Variants in MYLK4 observed in about 807,000 individuals in gnomAD.
The protein encoded by MYLK4 is caMLCK like.
In MYLK4, 46 loss-of-function variants were observed where a neutral mutation model predicts 48.1. That is an observed-to-expected ratio of 0.96 (90% CI 0.75 to 1.22). MYLK4 has a LOEUF of 1.22. Ranked by LOEUF, MYLK4 falls within the 50% of genes most tolerant of loss-of-function variation. The pLI, the probability that MYLK4 is intolerant of heterozygous loss-of-function variation, is 0.00. For synonymous variants in MYLK4, 170 were observed against 180.8 expected, an observed-to-expected ratio of 0.94 and a Z score of 0.48; for missense variants, 451 against 486.1, an observed-to-expected ratio of 0.93 and a Z score of 0.68.
intron 7 of MYLK4, among the ~76,000 whole-genome samples, chr6:2,680,719 T>C (rs559245548): frequency 6.6e-6 from 1 of 152,318 alleles, no homozygotes; most frequent in Non-Finnish European, 1.5e-5. Flanking sequence ...ACCTGCTCCA[T>C]TCAAACAGCC....
intron 2 of MYLK4, among the ~76,000 whole-genome samples, chr6:2,724,780 G>A (rs1763197989): frequency 6.6e-6 from 1 of 152,190 alleles, no homozygotes; most frequent in Non-Finnish European, 1.5e-5. Context: ...ATGTCTTGAT[G>A]ATTAAGATCA....
chr6:2,698,913 G>A (rs1456048302), intron 2 of MYLK4, among the ~76,000 whole-genome samples: 7 of 152,194 alleles, frequency 4.6e-5, no homozygotes, highest in Admixed American at 3.9e-4. Context: ...GCTCAAGGCA[G>A]GACAGAAACT....
At chr6:2,734,819 G>A (rs1230845482) in intron 2 of MYLK4, among the ~76,000 whole-genome samples, 1 of 152,040 alleles carries the variant, frequency 6.6e-6, no homozygotes, top group African/African-American at 2.4e-5. Context: ...GAATATTCTA[G>A]TGCTTCTCAC....
the MYLK4 span, among the ~76,000 whole-genome samples, chr6:2,758,287 T>A: frequency 1.3e-5 from 2 of 151,888 alleles, no homozygotes; most frequent in Admixed American, 1.3e-4. Context: ...CCTTAACAAC[T>A]ATGAAATGAA....
At chr6:2,717,194 G>A (rs1332844730) in intron 2 of MYLK4, among the ~76,000 whole-genome samples, 1 of 152,228 alleles carries the variant, frequency 6.6e-6, no homozygotes, top group Non-Finnish European at 1.5e-5. Context: ...AGCTTTGTTC[G>A]TTTTGAAAGT....
At chr6:2,767,314 AC>A in the MYLK4 span, among the ~76,000 whole-genome samples, 1 of 152,272 alleles carries the variant, frequency 6.6e-6, no homozygotes, top group East Asian at 1.9e-4. Flanking sequence ...AGGGAGAAGA[AC>A]CAGCATCAGG....
the MYLK4 span, among the ~76,000 whole-genome samples, chr6:2,756,900 G>A: frequency 1.3e-5 from 2 of 152,140 alleles, no homozygotes; most frequent in Non-Finnish European, 2.9e-5. Context: ...TTATGTTCTC[G>A]GGAATGCTCT....
intron 2 of MYLK4, among the ~76,000 whole-genome samples, chr6:2,711,388 T>G (rs6930454): frequency 0.64 from 97,973 of 152,160 alleles, 31,822 homozygotes; most frequent in South Asian, 0.72. Flanking sequence ...AAATTATTGT[T>G]AGTGTTCTGG....
At chr6:2,746,713 A>AG (rs1764105646) in intron 2 of MYLK4, among the ~76,000 whole-genome samples, 1 of 152,200 alleles carries the variant, frequency 6.6e-6, no homozygotes, top group East Asian at 1.9e-4. Context: ...GATGAGAGAG[A>AG]AAGGGGAATA....
chr6:2,770,029 G>A, the MYLK4 span: 1 of 1,551,484 alleles, frequency 6.4e-7, no homozygotes, highest in Non-Finnish European at 8.7e-7. Flanking sequence ...TAAAAATGAG[G>A]AAAAGGAAGG....
rs1760677788 is a variant in MYLK4, at chr6:2,666,913, A to G, written c.*1012T>C. 6.6e-6 allele frequency: 1 copy of G among 152,234 alleles called. No individual in the cohort carries two copies. Among genetic ancestry groups the G allele is most frequent in the Non-Finnish European group, 1.5e-5 (1 of 68,060 alleles). 9.4% of individuals were successfully genotyped at this position (152,234 alleles called of 1,614,324 possible). A position where few individuals can be genotyped will look rare whatever the true frequency, so the allele number is the denominator to read the frequency against. On this transcript the variant is annotated 3_prime_UTR_variant, in exon 13 of 13. Transcript: ENST00000274643. The stretch of plus-strand genomic sequence containing the variant: ...GATTGAGATTTCTTCACCACCATTG[A>G]GTCCCATGAGACAGCACAGGCGAGA...
intron 2 of MYLK4, among the ~76,000 whole-genome samples, chr6:2,715,133 A>G (rs550314832): frequency 1.3e-5 from 2 of 152,192 alleles, no homozygotes; most frequent in East Asian, 3.9e-4. Context: ...GTGTGGTGGC[A>G]GGCGCCTGTG....
chr6:2,763,229 G>A, the MYLK4 span, among the ~76,000 whole-genome samples: 2 of 152,194 alleles, frequency 1.3e-5, no homozygotes, highest in African/African-American at 4.8e-5. Context: ...TAGACATAAA[G>A]GTTCTCCAAG....
the MYLK4 span, chr6:2,766,410 C>A: frequency 6.2e-7 from 1 of 1,600,368 alleles, no homozygotes. Context: ...GAAATCCCCT[C>A]GCTTATCCTG....
the MYLK4 span, among the ~76,000 whole-genome samples, chr6:2,762,694 C>T: frequency 6.6e-6 from 1 of 152,200 alleles, no homozygotes; most frequent in Non-Finnish European, 1.5e-5. Context: ...TGAATAAACG[C>T]ATAGACCCTC....
intron 2 of MYLK4, among the ~76,000 whole-genome samples, chr6:2,744,991 T>A (rs1466306084): frequency 1.3e-5 from 2 of 152,136 alleles, no homozygotes; most frequent in African/African-American, 4.8e-5. Context: ...ACTTTTATAC[T>A]TGGGACCATG....
chr6:2,680,359 C>G, intron 7 of MYLK4, 68 bp from the exon 8 acceptor site: 2 of 1,605,944 alleles, frequency 1.2e-6, no homozygotes, highest in African/African-American at 1.3e-5. Context: ...CCTTGAACCA[C>G]AACTAAAAAT....
At chr6:2,706,845 T>C (rs1762505845) in intron 2 of MYLK4, among the ~76,000 whole-genome samples, 1 of 152,234 alleles carries the variant, frequency 6.6e-6, no homozygotes, top group South Asian at 2.1e-4. Flanking sequence ...AGGTGACAGC[T>C]GGCCTCTGCA....
the MYLK4 span, chr6:2,766,455 C>A: frequency 6.6e-7 from 1 of 1,514,814 alleles, no homozygotes; most frequent in Non-Finnish European, 8.9e-7. Context: ...GTGAGTGCGG[C>A]CTTGGCCGTT....
Sources: allele counts gnomAD v4.1 joint callset (sites outside exome capture counted in the v4.1 genomes callset), GRCh38; gene constraint gnomAD v4.1.1; transcripts MANE v1.5; gene names NCBI Gene and HGNC (gene_info 2026-07-23, HGNC 2026-07-21).